MKNK2: variants seen among roughly 807,000 people sequenced by gnomAD.
MKNK2 encodes the protein MAPK interacting serine/threonine kinase 2, also known as MAP kinase-interacting serine/threonine-protein kinase 2.
In MKNK2, 54 loss-of-function variants were observed where a neutral mutation model predicts 55.0. The observed-to-expected ratio is 0.98, with a 90% confidence interval of 0.79 to 1.23. The LOEUF (loss-of-function observed/expected upper bound fraction) is 1.23. Among genes scored for constraint, MKNK2 ranks in the 50% most tolerant of loss-of-function variants. The pLI, the probability that MKNK2 is intolerant of heterozygous loss-of-function variation, is 0.00. For missense variants in MKNK2, 685 were observed against 632.1 expected (o/e 1.08, Z -0.90); for synonymous variants, 323 against 256.0 (o/e 1.26, Z -2.50).
chr19:2,046,197 A>T lies in MKNK2; in HGVS notation c.328T>A (p.Tyr110Asn). ...TCINLITSQE[Y>N]AVKIIEKQPG... Reference sequence around the variant, plus strand: ...CGGCGCGGGCCCACCTTGACGGCGTACTCCTGGCTGGTGATCAGGTTGATG... The same window carrying T: ...CGGCGCGGGCCCACCTTGACGGCGTTCTCCTGGCTGGTGATCAGGTTGATG... Residue 110 changes from tyrosine (Y) to asparagine (N), a missense_variant, in exon 5 of 14, where the codon TAC (tyrosine) becomes AAC (asparagine). Tyr to Asn is a moderately radical substitution (Grantham distance 143). Coordinates refer to ENST00000250896, the MANE Select transcript of MKNK2 (RefSeq NM_199054.3). 6.2e-7 allele frequency: 1 copy of T among 1,608,432 alleles called. No individual in the cohort carries two copies. Among genetic ancestry groups the T allele is most frequent in the Non-Finnish European group, 8.5e-7 (1 of 1,179,848 alleles).
Position 2,050,873 on chromosome 19 carries a change from C to CG in MKNK2, c.-23dup. On this transcript the variant is annotated 5_prime_UTR_variant, in exon 2 of 14. Coordinates refer to ENST00000250896, the MANE Select transcript of MKNK2 (RefSeq NM_199054.3). Reference sequence around the variant, plus strand: ...CCATCTTCTGTCCGGGCCCCGCCAGCGGGGGAGGGGACCGAGGGCCCGGGG... The same window carrying CG: ...CCATCTTCTGTCCGGGCCCCGCCAGCGGGGGGAGGGGACCGAGGGCCCGGGG... 2.0e-6 allele frequency: 3 copies of CG among 1,504,702 alleles called. No homozygotes were observed. Among genetic ancestry groups the CG allele is most frequent in the Non-Finnish European group, 1.8e-6 (2 of 1,126,760 alleles). The allele number at this position is 1,504,702 out of a possible 1,614,324, so 93.2% of individuals were successfully genotyped here. A position where few individuals can be genotyped will look rare whatever the true frequency, so the allele number is the denominator to read the frequency against.
rs2145681777 is a variant in MKNK2, at chr19:2,039,145, G to A, written c.*468C>T. 1.0e-6 allele frequency: 1 copy of A among 993,556 alleles called. No individual in the cohort carries two copies. The highest frequency in any genetic ancestry group is 1.7e-5 in the African/African-American group (1 of 57,598). The allele number at this position is 993,556 out of a possible 1,614,324, so 61.5% of individuals were successfully genotyped here. A position where few individuals can be genotyped will look rare whatever the true frequency, so the allele number is the denominator to read the frequency against. ...GGTGAGGGATAGAGGGGAAGAGCCT[G>A]TCCCTGAAATACTGCGGGCTGGGAG... On this transcript the variant is annotated 3_prime_UTR_variant, in exon 14 of 14. Transcript: ENST00000250896.
At chr19:2,042,583 G>A (rs1373603046) in intron 9 of MKNK2, 24 bp downstream of exon 9, 1 of 1,569,430 alleles carries the variant, frequency 6.4e-7, no homozygotes, top group Non-Finnish European at 8.6e-7. Flanking sequence ...CTCCCGCGGG[G>A]CCACCCTGCC....
chr19:2,043,629 T>C (rs775437018), intron 5 of MKNK2, 47 bp from the exon 6 acceptor site: 1 of 1,565,466 alleles, frequency 6.4e-7, no homozygotes, highest in Admixed American at 1.7e-5. Flanking sequence ...GGGACGCTCA[T>C]AGTCGAGAAG....
At chr19:2,045,749 G>A (rs1445299930) in intron 5 of MKNK2, among the ~76,000 whole-genome samples, 1 of 152,204 alleles carries the variant, frequency 6.6e-6, no homozygotes, top group Non-Finnish European at 1.5e-5. Context: ...GTCACAACCA[G>A]AGCCTCAACA....
At chr19:2,041,696 TC>T in intron 11 of MKNK2, 143 bp downstream of exon 11, 1 of 635,174 alleles carries the variant, frequency 1.6e-6, no homozygotes, top group Non-Finnish European at 2.6e-6. Flanking sequence ...ACAGGGCAGG[TC>T]CCCGAGGGTT....
At chr19:2,041,444 G>C (rs1191394728) in intron 11 of MKNK2, among the ~76,000 whole-genome samples, 1 of 152,158 alleles carries the variant, frequency 6.6e-6, no homozygotes, top group Admixed American at 6.5e-5. Context: ...CAGATGCTGA[G>C]CCTTAAGCCG....
In MKNK2 at chr19:2,040,884, C is replaced by A. The variant is rs576766741; in HGVS notation, c.1110+156G>T. 6.5e-5 allele frequency: 49 copies of A among 750,578 alleles called. No homozygotes were observed. In the Admixed American group the frequency reaches 1.0e-3, roughly 16 times the overall value. 46.5% of individuals were successfully genotyped at this position (750,578 alleles called of 1,614,324 possible). Reference sequence around the variant, plus strand: ...GTGCACAGGCGGGCGGTGGGGATTTCGGCTGCACCCCTCATCCCAGGGCAG... The same window carrying A: ...GTGCACAGGCGGGCGGTGGGGATTTAGGCTGCACCCCTCATCCCAGGGCAG... On this transcript the variant is annotated intron_variant, in intron 12 of 13. Transcript: ENST00000250896.
At chr19:2,042,285 A>T in intron 10 of MKNK2, 142 bp downstream of exon 10, 1 of 833,106 alleles carries the variant, frequency 1.2e-6, no homozygotes, top group Non-Finnish European at 1.8e-6. Context: ...CCGCCGCGAC[A>T]CCCCGCCCAA....
rs774641495 is a variant in MKNK2, at chr19:2,039,645, C to T, written c.1366G>A (p.Ala456Thr). Reference sequence around the variant, plus strand: ...TGGTCTCCCACCAGGACCACTGGGGCCGAGGACAGACTGGCCCTTTGCCGC... The same window carrying T: ...TGGTCTCCCACCAGGACCACTGGGGTCGAGGACAGACTGGCCCTTTGCCGC... ...QRRQRASLSS[A>T]PVVLVGDHA The change falls in exon 14 of 14, where the codon GCC (alanine) becomes ACC (threonine). Residue 456 changes from alanine to threonine, a missense_variant. Physicochemically the swap from Ala to Thr is moderately conservative, Grantham distance 58. Transcript: ENST00000250896. 6.2e-7 allele frequency: 1 copy of T among 1,612,942 alleles called. No homozygotes were observed. The highest frequency in any genetic ancestry group is 1.3e-5 in the African/African-American group (1 of 75,064).
intron 3 of MKNK2, 51 bp from the exon 4 acceptor site, chr19:2,046,519 G>A (rs544162508): frequency 1.8e-5 from 29 of 1,568,276 alleles, no homozygotes; most frequent in Admixed American, 1.3e-4. Flanking sequence ...CTGGCCGGCC[G>A]GCCCCCACCC....
At chr19:2,046,320 G>A (rs758084772) in intron 4 of MKNK2, 37 bp from the exon 5 acceptor site, 3 of 1,603,346 alleles carry the variant, frequency 1.9e-6, no homozygotes, top group Non-Finnish European at 2.5e-6. Flanking sequence ...AGGGACCCTG[G>A]CTTTTCCCCG....
intron 10 of MKNK2, 181 bp downstream of exon 10, chr19:2,042,246 C>A (rs1379728721): frequency 2.7e-6 from 2 of 730,850 alleles, no homozygotes; most frequent in African/African-American, 1.8e-5. Context: ...CGGCCAAACA[C>A]CGACGCGTTG....
intron 2 of MKNK2, among the ~76,000 whole-genome samples, chr19:2,047,863 C>A (rs1262269067): frequency 6.6e-6 from 1 of 152,086 alleles, no homozygotes; most frequent in African/African-American, 2.4e-5. Flanking sequence ...CTACCCAAGC[C>A]CAGACACCTG....
Position 2,037,711 on chromosome 19 carries a change from G to A in MKNK2, c.*1902C>T. ...CACCGTCCCCCAGCGATGGGAGCTGGCCTGGGGCCCAGGGTCCTCCAGGAT... is the reference window on the plus strand; with the variant it reads ...CACCGTCCCCCAGCGATGGGAGCTGACCTGGGGCCCAGGGTCCTCCAGGAT... On this transcript the variant is annotated 3_prime_UTR_variant, in exon 14 of 14. Coordinates refer to ENST00000250896, the MANE Select transcript of MKNK2 (RefSeq NM_199054.3). 5 of 1,523,032 alleles carry A rather than the reference G, an allele frequency of 3.3e-6. No homozygotes were observed. Among genetic ancestry groups the A allele is most frequent in the Non-Finnish European group, 3.6e-6 (4 of 1,118,066 alleles). The allele number at this position is 1,523,032 out of a possible 1,614,324, so 94.3% of individuals were successfully genotyped here.
At chr19:2,040,668 G>T in intron 12 of MKNK2, 1 of 311,078 alleles carries the variant, frequency 3.2e-6, no homozygotes, top group Non-Finnish European at 6.1e-6. Flanking sequence ...TCCTCGACTG[G>T]AGGCCACACA....
intron 5 of MKNK2, among the ~76,000 whole-genome samples, 165 bp from the exon 6 acceptor site, chr19:2,043,747 G>A (rs574207190): frequency 5.3e-5 from 8 of 152,196 alleles, no homozygotes; most frequent in Admixed American, 1.3e-4. Context: ...AGGCCAAGGC[G>A]GGTGGATCAT....
chr19:2,046,041 G>T, intron 5 of MKNK2, 145 bp downstream of exon 5: 1 of 765,834 alleles, frequency 1.3e-6, no homozygotes, highest in Non-Finnish European at 2.2e-6. Context: ...TGTCATTCCC[G>T]ACTGGACTCA....
chr19:2,042,351 G>C (rs2016907107), intron 10 of MKNK2, 76 bp downstream of exon 10: 2 of 1,320,438 alleles, frequency 1.5e-6, no homozygotes, highest in Non-Finnish European at 2.1e-6. Flanking sequence ...GGAGCTGCTG[G>C]ATGGCCCAGG....
Sources: gnomAD v4.1 joint callset for allele counts (sites outside exome capture counted in the v4.1 genomes callset) on GRCh38, gnomAD v4.1.1 for gene constraint, MANE v1.5 for transcripts, NCBI Gene and HGNC (gene_info 2026-07-23, HGNC 2026-07-21) for gene names.